CTH: variants seen among roughly 807,000 people sequenced by gnomAD.
CTH encodes the protein cystathionase (cystathionine gamma-lyase).
Under a neutral mutation model 50.6 loss-of-function variants are expected in CTH, and 41 were observed. The ratio of observed to expected loss-of-function variants is 0.81; its 90% CI spans 0.63 to 1.05. The LOEUF is 1.05. CTH is among the 50% of genes least tolerant of loss of function. The probability of loss-of-function intolerance (pLI) is 0.00; values close to 1 mark genes in which losing one functional copy is unlikely to be tolerated. For synonymous variants in CTH, 156 were observed against 168.9 expected, an observed-to-expected ratio of 0.92 and a Z score of 0.59; for missense variants, 470 against 492.6, an observed-to-expected ratio of 0.95 and a Z score of 0.43.
intron 4 of CTH, among the ~76,000 whole-genome samples, chr1:70,423,654 A>G (rs1008867758): frequency 6.6e-6 from 1 of 151,968 alleles, no homozygotes; most frequent in Non-Finnish European, 1.5e-5. Flanking sequence ...TTTGATAACT[A>G]TCAAGCATCT....
intron 3 of CTH, among the ~76,000 whole-genome samples, chr1:70,418,337 C>G (rs1557463074): frequency 1.3e-5 from 2 of 152,222 alleles, no homozygotes; most frequent in South Asian, 4.2e-4. Context: ...GCAGTCTCCG[C>G]CTCCTGGGTT....
At chr1:70,411,883 A>C (rs1386154924) in intron 1 of CTH, among the ~76,000 whole-genome samples, 1 of 152,156 alleles carries the variant, frequency 6.6e-6, no homozygotes, top group Non-Finnish European at 1.5e-5. Flanking sequence ...AACTTTTTTG[A>C]GTTACCTTTA....
intron 3 of CTH, 110 bp downstream of exon 3, chr1:70,418,142 GT>G: frequency 7.5e-7 from 1 of 1,333,230 alleles, no homozygotes. Context: ...ATTTATTATA[GT>G]TTACAGGTGT....
chr1:70,414,107 C>T (rs1684034954), intron 1 of CTH, among the ~76,000 whole-genome samples: 1 of 151,814 alleles, frequency 6.6e-6, no homozygotes. Flanking sequence ...CTTTCTGTGG[C>T]AGAAGCCACG....
chr1:70,421,761 T>C, intron 4 of CTH, 86 bp downstream of exon 4: 1 of 1,346,254 alleles, frequency 7.4e-7, no homozygotes, highest in Non-Finnish European at 1.1e-6. Flanking sequence ...TATAATTTAA[T>C]GTGAATAACA....
chr1:70,431,615 T>C (rs1352564239), intron 7 of CTH, among the ~76,000 whole-genome samples: 1 of 152,160 alleles, frequency 6.6e-6, no homozygotes, highest in African/African-American at 2.4e-5. Flanking sequence ...TTATAAAAAG[T>C]AGAAATGAAG....
intron 1 of CTH, among the ~76,000 whole-genome samples, chr1:70,413,024 C>G (rs1324361955): frequency 6.6e-6 from 1 of 151,898 alleles, no homozygotes; most frequent in Non-Finnish European, 1.5e-5. Flanking sequence ...CTTGATGGAT[C>G]TTAGAGAATT....
chr1:70,434,000 G>T (rs2101756855), intron 9 of CTH, 51 bp downstream of exon 9: 1 of 1,609,062 alleles, frequency 6.2e-7, no homozygotes, highest in Non-Finnish European at 8.5e-7. Flanking sequence ...CCTTACAGCA[G>T]TTCACTATCT....
intron 1 of CTH, 53 bp from the exon 2 acceptor site, chr1:70,415,903 C>T (rs41313347): frequency 1.6e-5 from 15 of 947,600 alleles, no homozygotes; most frequent in South Asian, 6.5e-5. Flanking sequence ...TATGTTAGGA[C>T]TCTGATAATA....
intron 1 of CTH, among the ~76,000 whole-genome samples, chr1:70,414,284 C>T (rs991539508): frequency 1.3e-5 from 2 of 151,684 alleles, no homozygotes; most frequent in Non-Finnish European, 1.5e-5. Context: ...GAGGCTGAGG[C>T]GGGTGGGTCA....
chr1:70,412,082 C>A (rs1158466132), intron 1 of CTH, among the ~76,000 whole-genome samples: 1 of 152,162 alleles, frequency 6.6e-6, no homozygotes, highest in East Asian at 1.9e-4. Context: ...CTAACAACAA[C>A]CCTAGTCTGA....
chr1:70,435,191 T>C lies in CTH; in HGVS notation c.1052+14T>C. The C allele has an allele frequency of 1.2e-6, 2 of 1,610,676 alleles. No individual in the cohort carries two copies. Among genetic ancestry groups the C allele is most frequent in the Non-Finnish European group, 8.5e-7 (1 of 1,177,790 alleles). The stretch of plus-strand genomic sequence containing the variant: ...TGCTGAGCTTCCGTAAGTATAGTTC[T>C]GTTTTTCTCAGTATTTTAAATTTGA... On this transcript the variant is annotated intron_variant, in intron 10 of 11. Coordinates refer to ENST00000370938, the MANE Select transcript of CTH (RefSeq NM_001902.6).
chr1:70,438,783 A>T lies in CTH; in HGVS notation c.1148A>T (p.Glu383Val), dbSNP rs779255023. Residue 383 changes from glutamate (E) to valine (V), a missense_variant, in exon 11 of 12, where the codon GAG (glutamate) becomes GTG (valine). Transcript: ENST00000370938. ...LIRLSVGLED[E>V]EDLLEDLDQA... ...CGACTTTCTGTGGGCTTAGAGGATG[A>T]GGAAGACCTACTGGAAGATCTAGAT... is the stretch of plus-strand genomic sequence containing the variant. 1 of 1,613,962 alleles carries T rather than the reference A, an allele frequency of 6.2e-7. No homozygotes were observed. The highest frequency in any genetic ancestry group is 8.5e-7 in the Non-Finnish European group (1 of 1,180,006).
At chr1:70,438,393 G>A (rs112702689) in intron 10 of CTH, among the ~76,000 whole-genome samples, 19 of 152,244 alleles carry the variant, frequency 1.2e-4, no homozygotes, top group African/African-American at 2.6e-4. Context: ...ACATTGGGGA[G>A]GCTATGCCTT....
At chr1:70,420,130 T>A (rs1319292298) in intron 3 of CTH, among the ~76,000 whole-genome samples, 1 of 152,000 alleles carries the variant, frequency 6.6e-6, no homozygotes, top group Non-Finnish European at 1.5e-5. Flanking sequence ...GTAGCTGGGA[T>A]TACAGGCATG....
At position 70,416,377 on chromosome 1, in the gene CTH, A is replaced by G. The variant is rs192145203; in HGVS notation, c.250+340A>G. Among the ~76,000 whole-genome samples, 21 of 152,242 alleles carry G rather than the reference A, an allele frequency of 1.4e-4. No individual in the cohort carries two copies. The East Asian group carries it at 4.1e-3, about 29-fold the overall frequency. ...AAATAAATGGAAATTAAATTTAATA[A>G]CACCACCTATTAGAATATAAAATCT... On this transcript the variant is annotated intron_variant, in intron 2 of 11. Coordinates refer to ENST00000370938, the MANE Select transcript of CTH (RefSeq NM_001902.6).
intron 3 of CTH, among the ~76,000 whole-genome samples, chr1:70,419,124 T>C (rs1185159237): frequency 6.6e-6 from 1 of 152,036 alleles, no homozygotes; most frequent in East Asian, 1.9e-4. Flanking sequence ...AGTTTCCAGC[T>C]TCATCCCTGT....
At chr1:70,426,315 C>T (rs1343127996) in intron 5 of CTH, among the ~76,000 whole-genome samples, 1 of 152,184 alleles carries the variant, frequency 6.6e-6, no homozygotes, top group Non-Finnish European at 1.5e-5. Flanking sequence ...CTCTTTTCTT[C>T]CTGCCTGTAC....
chr1:70,438,628 A>T (rs1180573024), intron 10 of CTH, 60 bp from the exon 11 acceptor site: 1 of 1,596,662 alleles, frequency 6.3e-7, no homozygotes, highest in Non-Finnish European at 8.6e-7. Flanking sequence ...TTTATGAGAC[A>T]GAAACATGCC....
Sources: allele counts gnomAD v4.1 joint callset (sites outside exome capture counted in the v4.1 genomes callset), GRCh38; gene constraint gnomAD v4.1.1; transcripts MANE v1.5; gene names NCBI Gene and HGNC (gene_info 2026-07-23, HGNC 2026-07-21).